Variants in PCMTD1 observed in about 807,000 individuals in gnomAD.
PCMTD1 encodes protein-L-isoaspartate O-methyltransferase domain-containing protein 1.
Under a neutral mutation model 37.6 loss-of-function variants are expected in PCMTD1, and 12 were observed. That is an observed-to-expected ratio of 0.32 (90% CI 0.20 to 0.52). The LOEUF is 0.52. PCMTD1 is among the 20% of genes least tolerant of loss of function. PCMTD1 has a pLI of 0.97. For missense variants in PCMTD1, 235 were observed against 421.3 expected (o/e 0.56, Z 3.87); for synonymous variants, 117 against 135.8 (o/e 0.86, Z 0.96).
intron 1 of PCMTD1, among the ~76,000 whole-genome samples, chr8:51,871,819 A>G (rs909905400): frequency 1.3e-5 from 2 of 152,136 alleles, no homozygotes; most frequent in African/African-American, 2.4e-5. Context: ...TACATGAAGT[A>G]TATGTTTTCT....
Position 51,898,731 on chromosome 8 carries a change from T to C in PCMTD1, c.-96+199A>G, listed in dbSNP as rs1358841404. Among the ~76,000 whole-genome samples the C allele has an allele frequency of 5.2e-5, 7 of 134,892 alleles. No individual in the cohort carries two copies. In the South Asian group the frequency reaches 1.8e-3, roughly 35 times the overall value. 88.5% of individuals were successfully genotyped at this position (134,892 alleles called of 152,430 possible). A position where few individuals can be genotyped will look rare whatever the true frequency, so the allele number is the denominator to read the frequency against. ...TCCCAAGTCCTCCGCCCCCGGCCCGTCCTTCCCCCAACCTGCCCCGCAGCG... is the reference window on the plus strand; with the variant it reads ...TCCCAAGTCCTCCGCCCCCGGCCCGCCCTTCCCCCAACCTGCCCCGCAGCG... On this transcript the variant is annotated intron_variant, in intron 1 of 5. Coordinates refer to ENST00000522514, the MANE Select transcript of PCMTD1 (RefSeq NM_052937.4).
At chr8:51,866,328 C>A (rs570040250) in intron 1 of PCMTD1, among the ~76,000 whole-genome samples, 1 of 151,624 alleles carries the variant, frequency 6.6e-6, no homozygotes, top group African/African-American at 2.4e-5. Context: ...AGGAATCATA[C>A]AGGCAAAAAG....
At chr8:51,840,733 G>A (rs2038136357) in intron 3 of PCMTD1, among the ~76,000 whole-genome samples, 1 of 152,066 alleles carries the variant, frequency 6.6e-6, no homozygotes, top group Non-Finnish European at 1.5e-5. Context: ...ATATGACCAT[G>A]TCAACTAAAT....
intron 1 of PCMTD1, chr8:51,896,307 A>G (rs547030459): frequency 3.9e-5 from 6 of 152,208 alleles, no homozygotes; most frequent in African/African-American, 1.2e-4. Context: ...AGATTAATAA[A>G]CCATATTATG....
intron 3 of PCMTD1, among the ~76,000 whole-genome samples, chr8:51,834,122 T>C (rs2038034733): frequency 6.6e-6 from 1 of 152,170 alleles, no homozygotes; most frequent in South Asian, 2.1e-4. Flanking sequence ...GTAGAATTCA[T>C]CTCAGTTTGA....
rs2038798486 is a variant in PCMTD1, at chr8:51,881,937, T to C, written c.-96+16993A>G. 2.6e-5 allele frequency among the ~76,000 whole-genome samples: 4 copies of C among 152,216 alleles called. No homozygotes were observed. In the South Asian group the frequency reaches 8.3e-4, roughly 31 times the overall value. ...ATAAACTTCTTCAAGCATCCATGTT[T>C]TTGCATATGCATTAAGTCTCTACCT... is the stretch of plus-strand genomic sequence containing the variant. On this transcript the variant is annotated intron_variant, in intron 1 of 5. Transcript: ENST00000522514.
At chr8:51,894,317 G>T (rs1464029628) in intron 1 of PCMTD1, among the ~76,000 whole-genome samples, 1 of 152,152 alleles carries the variant, frequency 6.6e-6, no homozygotes, top group Non-Finnish European at 1.5e-5. Flanking sequence ...AATAAGTTTT[G>T]AAAGGGGCAC....
intron 2 of PCMTD1, chr8:51,849,163 T>C (rs1157509935): frequency 6.6e-6 from 1 of 152,152 alleles, no homozygotes; most frequent in African/African-American, 2.4e-5. Context: ...TAAGGAAACA[T>C]TTTTATCATT....
intron 3 of PCMTD1, among the ~76,000 whole-genome samples, chr8:51,844,080 T>A (rs2038184237): frequency 6.6e-6 from 1 of 152,154 alleles, no homozygotes; most frequent in South Asian, 2.1e-4. Context: ...TGTATAAAAA[T>A]ACATTCATGA....
At chr8:51,844,486 C>T (rs889352915) in intron 3 of PCMTD1, among the ~76,000 whole-genome samples, 2 of 152,116 alleles carry the variant, frequency 1.3e-5, no homozygotes, top group Non-Finnish European at 2.9e-5. Flanking sequence ...AAGACCTTGC[C>T]TTCACTGTTA....
At chr8:51,849,925 C>A (rs2038280242) in intron 2 of PCMTD1, 1 of 628,472 alleles carries the variant, frequency 1.6e-6, no homozygotes, top group African/African-American at 1.8e-5. Context: ...CCTGAGAGTT[C>A]CACACTGCAT....
chr8:51,886,935 T>C (rs143136639), intron 1 of PCMTD1, among the ~76,000 whole-genome samples: 17 of 151,116 alleles, frequency 1.1e-4, no homozygotes, highest in South Asian at 1.1e-3. Context: ...ATCTGTTCCC[T>C]CGCATCAGTG....
At chr8:51,820,771 C>G in intron 5 of PCMTD1, 53 bp from the exon 6 acceptor site, 1 of 1,374,042 alleles carries the variant, frequency 7.3e-7, no homozygotes. Context: ...AAAACATTAT[C>G]TATTGTTTAT....
In PCMTD1 at chr8:51,836,666, A is replaced by G. The variant is rs2038071303; in HGVS notation, c.411-2977T>C. On this transcript the variant is annotated intron_variant, in intron 3 of 5. Coordinates refer to ENST00000522514, the MANE Select transcript of PCMTD1 (RefSeq NM_052937.4). The stretch of plus-strand genomic sequence containing the variant: ...CCAAATTTGACAAATTAAAAATCTC[A>G]GGAGTAGAAGAGAAGCTTTTCTAGA... Among the ~76,000 whole-genome samples the G allele has an allele frequency of 2.6e-5, 4 of 152,228 alleles. No individual in the cohort carries two copies. The South Asian group carries it at 8.3e-4, about 31-fold the overall frequency.
In PCMTD1 at chr8:51,823,359, T is replaced by A. The variant is rs147345189; in HGVS notation, c.707-2641A>T. On this transcript the variant is annotated intron_variant, in intron 5 of 5. Transcript: ENST00000522514. The stretch of plus-strand genomic sequence containing the variant: ...CACGCCTGTATTCCCAGCTAGTCAG[T>A]AGGCTGAGATGGGAGGATCATCTGA... Among the ~76,000 whole-genome samples the A allele has an allele frequency of 2.5e-3, 388 of 152,218 alleles. 2 individuals are homozygous for A. The highest frequency in any genetic ancestry group is 9.0e-3 in the African/African-American group (376 of 41,554).
At position 51,833,701 on chromosome 8, in the gene PCMTD1, A is replaced by C. The variant is rs1343244239; in HGVS notation, c.411-12T>G. The C allele has an allele frequency of 1.1e-5, 18 of 1,598,604 alleles. No individual in the cohort carries two copies. Among genetic ancestry groups the C allele is most frequent in the Admixed American group, 1.7e-5 (1 of 58,238 alleles). On this transcript the variant is annotated splice_polypyrimidine_tract_variant and intron_variant, in intron 3 of 5. Coordinates refer to ENST00000522514, the MANE Select transcript of PCMTD1 (RefSeq NM_052937.4). ...CACAGAACTCAAATCTGCATTGAAAAACAAACATTTTAATTCAATTAAGCA... is the reference window on the plus strand; with the variant it reads ...CACAGAACTCAAATCTGCATTGAAACACAAACATTTTAATTCAATTAAGCA...
At chr8:51,863,769 A>G (rs2038509484) in intron 1 of PCMTD1, among the ~76,000 whole-genome samples, 1 of 151,974 alleles carries the variant, frequency 6.6e-6, no homozygotes, top group South Asian at 2.1e-4. Context: ...TAAAAATACA[A>G]AAAAAAATTT....
intron 2 of PCMTD1, among the ~76,000 whole-genome samples, chr8:51,850,996 G>T (rs1160105473): frequency 1.3e-5 from 2 of 152,104 alleles, no homozygotes; most frequent in Non-Finnish European, 2.9e-5. Context: ...GAAAGCAATC[G>T]GCGAAAGGCT....
intron 3 of PCMTD1, among the ~76,000 whole-genome samples, chr8:51,840,640 CAG>C (rs758707432): frequency 9.2e-5 from 14 of 151,968 alleles, no homozygotes; most frequent in Non-Finnish European, 1.6e-4. Context: ...TAAAAGATGA[CAG>C]AATATAGAAG....
Sources: gnomAD v4.1 joint callset for allele counts (sites outside exome capture counted in the v4.1 genomes callset) on GRCh38, gnomAD v4.1.1 for gene constraint, MANE v1.5 for transcripts, NCBI Gene and HGNC (gene_info 2026-07-23, HGNC 2026-07-21) for gene names.